GAPDHS: variants seen among roughly 807,000 people sequenced by gnomAD.
GAPDHS encodes glyceraldehyde-3-phosphate dehydrogenase, spermatogenic, also known as glyceraldehyde-3-phosphate dehydrogenase, testis-specific.
A neutral mutation model predicts 48.7 loss-of-function variants in GAPDHS; 42 were observed. The ratio of observed to expected loss-of-function variants is 0.86; its 90% CI spans 0.67 to 1.12. GAPDHS has a LOEUF of 1.12. Among genes scored for constraint, GAPDHS ranks in the 50% most tolerant of loss-of-function variants. The pLI is 0.00. For synonymous variants in GAPDHS, 166 were observed against 219.1 expected (o/e 0.76, Z 2.14); for missense variants, 512 against 557.7 (o/e 0.92, Z 0.82).
At chr19:35,536,786 A>ACCCATTCCCT (rs2071468473) in intron 1 of GAPDHS, 27 bp from the exon 2 acceptor site, 1 of 1,560,082 alleles carries the variant, frequency 6.4e-7, no homozygotes, top group African/African-American at 1.4e-5. Context: ...TGGTCATGCA[A>ACCCATTCCCT]CCCATTCCCT....
intron 4 of GAPDHS, chr19:35,541,856 C>T (rs560974092): frequency 4.2e-5 from 7 of 165,866 alleles, no homozygotes; most frequent in African/African-American, 1.7e-4. Flanking sequence ...CAGGGACCCT[C>T]CTGGCCTTTG....
chr19:35,538,270 C>G (rs556643438), intron 2 of GAPDHS, 37 bp from the exon 3 acceptor site: 157 of 1,449,640 alleles, frequency 1.1e-4, no homozygotes, highest in East Asian at 4.8e-4. Context: ...TCCATTACCC[C>G]CTTCTCTCCC....
chr19:35,544,690 GTGTT>G (rs1273691348), intron 9 of GAPDHS: 1 of 591,510 alleles, frequency 1.7e-6, no homozygotes, highest in African/African-American at 1.9e-5. Flanking sequence ...CAGCATGAGG[GTGTT>G]TGTGACCTGT....
chr19:35,538,406 C>A lies in GAPDHS; in HGVS notation c.342+3C>A. On this transcript the variant is annotated splice_donor_region_variant and intron_variant, in intron 3 of 10. Transcript: ENST00000222286. ...CATTCATTGACCCGGAATACATGGT[C>A]AGTAGCTGGCAGAGGGCAGGAACAG... The A allele has an allele frequency of 1.3e-6, 2 of 1,510,734 alleles. No homozygotes were observed. Among genetic ancestry groups the A allele is most frequent in the South Asian group, 2.3e-5 (2 of 88,684 alleles). The allele number at this position is 1,510,734 out of a possible 1,614,324, so 93.6% of individuals were successfully genotyped here. A position where few individuals can be genotyped will look rare whatever the true frequency, so the allele number is the denominator to read the frequency against.
chr19:35,536,930 C>T lies in GAPDHS; in HGVS notation c.185C>T (p.Pro62Leu), dbSNP rs1292794772. The T allele has an allele frequency of 6.2e-7, 1 of 1,614,160 alleles. No individual in the cohort carries two copies. The highest frequency in any genetic ancestry group is 1.1e-5 in the South Asian group (1 of 91,080). The stretch of plus-strand genomic sequence containing the variant: ...CCACCGCCACCACTGCCTCCTCACC[C>T]CGCTACTCCTCCTCCTAAGATGGTG... ...KPPPPPLPPH[P>L]ATPPPKMVSV... Residue 62 changes from proline to leucine, a missense_variant, in exon 2 of 11, where the codon CCC becomes CTC. Pro to Leu is a moderately conservative substitution (Grantham distance 98). Transcript: ENST00000222286.
Position 35,533,551 on chromosome 19 carries a change from C to T in GAPDHS, c.24C>T (p.Leu8=). 1 of 1,613,548 alleles carries T rather than the reference C, an allele frequency of 6.2e-7. No individual in the cohort carries two copies. The highest frequency in any genetic ancestry group is 8.5e-7 in the Non-Finnish European group (1 of 1,179,868). The change falls in exon 1 of 11, where the codon CTC becomes CTT. Residue 8 remains leucine, a synonymous_variant. Coordinates refer to ENST00000222286, the MANE Select transcript of GAPDHS (RefSeq NM_014364.5). MSKRDIV[L]TNVTVVQLLR... ...CCATGTCGAAGCGCGACATCGTCCT[C>T]ACCAATGTCACCGTTGTCCAGTTGC...
chr19:35,543,407 A>T lies in GAPDHS; in HGVS notation c.809A>T (p.Asp270Val). The change falls in exon 8 of 11, where the codon GAT (aspartate) becomes GTT (valine). Residue 270 changes from aspartate (D) to valine (V), a missense_variant. Physicochemically the swap from Asp to Val is radical, Grantham distance 152 (BLOSUM62 -3). Transcript: ENST00000222286. ...GGGCCATCAAGGAAGGCCTGGCGAG[A>T]TGGGCGGGGTGCCCACCAGAACATC... ...VDGPSRKAWR[D>V]GRGAHQNIIP... 1.9e-6 allele frequency: 3 copies of T among 1,611,754 alleles called. No individual in the cohort carries two copies. Among genetic ancestry groups the T allele is most frequent in the Non-Finnish European group, 2.5e-6 (3 of 1,179,270 alleles).
intron 2 of GAPDHS, among the ~76,000 whole-genome samples, chr19:35,537,827 C>A (rs2146293649): frequency 6.6e-6 from 1 of 152,350 alleles, no homozygotes; most frequent in South Asian, 2.1e-4. Context: ...GTAATCCCAG[C>A]ACTTTGGGAG....
In GAPDHS at chr19:35,543,671, G is replaced by C. The variant is rs2071522451; in HGVS notation, c.900G>C (p.Leu300=). 1 of 1,613,630 alleles carries C rather than the reference G, an allele frequency of 6.2e-7. No homozygotes were observed. The highest frequency in any genetic ancestry group is 1.3e-5 in the African/African-American group (1 of 75,052). The change falls in exon 9 of 11, where the codon CTG becomes CTC. Residue 300 remains leucine (L), a synonymous_variant. Coordinates refer to ENST00000222286, the MANE Select transcript of GAPDHS (RefSeq NM_014364.5). ...TKVIPELKGK[L]TGMAFRVPTP... The stretch of plus-strand genomic sequence containing the variant: ...CTCATGGGGGATTCTCCAGGAAGCT[G>C]ACAGGGATGGCGTTCCGGGTACCAA...
intron 7 of GAPDHS, 80 bp downstream of exon 7, chr19:35,543,106 A>G: frequency 8.5e-7 from 1 of 1,173,514 alleles, no homozygotes; most frequent in African/African-American, 1.5e-5. Flanking sequence ...TACTGTATGG[A>G]GTTAAGAGGG....
At position 35,533,495 on chromosome 19, in the gene GAPDHS, A is replaced by T. The variant is rs1007100313; in HGVS notation, c.-33A>T. 6.3e-7 allele frequency: 1 copy of T among 1,596,870 alleles called. No homozygotes were observed. The highest frequency in any genetic ancestry group is 8.6e-7 in the Non-Finnish European group (1 of 1,164,700). On this transcript the variant is annotated 5_prime_UTR_variant, in exon 1 of 11. Coordinates refer to ENST00000222286, the MANE Select transcript of GAPDHS (RefSeq NM_014364.5). ...GCACGCACCTCGGTAACATCACAGC[A>T]GGTCCAGGCCAATGATAACCTTATA...
rs1266102170 is a variant in GAPDHS, at chr19:35,542,977, C to T, written c.692C>T (p.Pro231Leu). 1 of 1,614,098 alleles carries T rather than the reference C, an allele frequency of 6.2e-7. No homozygotes were observed. The change falls in exon 7 of 11, where the codon CCC becomes CTC. Residue 231 changes from proline to leucine, a missense_variant. Pro to Leu is a moderately conservative substitution (Grantham distance 98). Coordinates refer to ENST00000222286, the MANE Select transcript of GAPDHS (RefSeq NM_014364.5). ...TCCTGCACCACCAACTGTTTGGCTC[C>T]CCTCGCCAAAGTCATCCACGAGCGA... ...NASCTTNCLAPLAKVIHERFG... is the reference protein window; with the variant it reads ...NASCTTNCLALLAKVIHERFG...
In GAPDHS at chr19:35,542,429, C is replaced by T; in HGVS notation, c.540+20C>T. 6.2e-7 allele frequency: 1 copy of T among 1,605,168 alleles called. No homozygotes were observed. ...GCTTCGGTAAGCTGGGGAGAGGTGC[C>T]CAGGGCTAGCTGGGGGGATGATGGT... On this transcript the variant is annotated intron_variant, in intron 5 of 10. Transcript: ENST00000222286.
In GAPDHS at chr19:35,536,911, C is replaced by T. The variant is rs751215079; in HGVS notation, c.166C>T (p.Pro56Ser). 1 of 1,614,150 alleles carries T rather than the reference C, an allele frequency of 6.2e-7. No homozygotes were observed. The highest frequency in any genetic ancestry group is 8.5e-7 in the Non-Finnish European group (1 of 1,179,984). The change falls in exon 2 of 11, where the codon CCA becomes TCA. Residue 56 changes from proline (P) to serine (S), a missense_variant. Coordinates refer to ENST00000222286, the MANE Select transcript of GAPDHS (RefSeq NM_014364.5). ...PVREEIKPPPPPLPPHPATPP... is the reference protein window; with the variant it reads ...PVREEIKPPPSPLPPHPATPP... ...CAGGGAGGAAATAAAGCCACCACCG[C>T]CACCACTGCCTCCTCACCCCGCTAC...
At chr19:35,533,817 G>C (rs2071447593) in intron 1 of GAPDHS, among the ~76,000 whole-genome samples, 1 of 152,238 alleles carries the variant, frequency 6.6e-6, no homozygotes, top group South Asian at 2.1e-4. Flanking sequence ...AGGGCTGGGT[G>C]GGCTTCGCGC....
chr19:35,544,750 C>G (rs2071532628), intron 9 of GAPDHS, 159 bp from the exon 10 acceptor site: 1 of 643,128 alleles, frequency 1.6e-6, no homozygotes, highest in Admixed American at 2.3e-5. Context: ...ATACCCTGCA[C>G]TTGGTCATAC....
chr19:35,543,726 T>G lies in GAPDHS; in HGVS notation c.955T>G (p.Cys319Gly). 6.2e-7 allele frequency: 1 copy of G among 1,614,012 alleles called. No homozygotes were observed. The highest frequency in any genetic ancestry group is 8.5e-7 in the Non-Finnish European group (1 of 1,179,990). Residue 319 changes from cysteine to glycine, a missense_variant, in exon 9 of 11, where the codon TGC (cysteine) becomes GGC (glycine). Cys to Gly is a radical substitution (Grantham distance 159). Transcript: ENST00000222286. ...TPDVSVVDLTCRLAQPAPYSA... is the reference protein window; with the variant it reads ...TPDVSVVDLTGRLAQPAPYSA... The stretch of plus-strand genomic sequence containing the variant: ...GGATGTGTCTGTCGTGGACCTGACC[T>G]GCCGCCTCGCCCAGCCTGCCCCCTA...
intron 9 of GAPDHS, chr19:35,544,291 A>G: frequency 6.0e-6 from 1 of 167,520 alleles, no homozygotes; most frequent in East Asian, 1.7e-4. Flanking sequence ...GCTCAGGGCC[A>G]GGCCATGGCC....
intron 4 of GAPDHS, among the ~76,000 whole-genome samples, chr19:35,539,900 G>C (rs978701218): frequency 2.6e-5 from 4 of 152,120 alleles, no homozygotes; most frequent in Admixed American, 2.6e-4. Context: ...CCACCTAGCT[G>C]CCCCCTCCGT....
Sources: allele counts gnomAD v4.1 joint callset (sites outside exome capture counted in the v4.1 genomes callset), GRCh38; gene constraint gnomAD v4.1.1; transcripts MANE v1.5; gene names NCBI Gene and HGNC (gene_info 2026-07-23, HGNC 2026-07-21).